Variants in GPR158 observed in about 807,000 individuals in gnomAD.
The protein encoded by GPR158 is metabotropic glycine receptor.
GPR158 carries 30 observed loss-of-function variants against 78.2 expected under a neutral mutation model. That is an observed-to-expected ratio of 0.38 (90% CI 0.29 to 0.52). The LOEUF (loss-of-function observed/expected upper bound fraction) is 0.52, where lower values mean the gene tolerates loss of function less well. Among genes scored for constraint, GPR158 ranks in the 20% least tolerant of loss-of-function variants. GPR158 has a pLI of 0.83. For synonymous variants in GPR158, 581 were observed against 591.1 expected (o/e 0.98, Z 0.25); for missense variants, 1,463 against 1,523.5 (o/e 0.96, Z 0.66).
chr10:25,238,811 G>A (rs1853565244), intron 2 of GPR158, among the ~76,000 whole-genome samples: 1 of 152,100 alleles, frequency 6.6e-6, no homozygotes, highest in South Asian at 2.1e-4. Flanking sequence ...TCACATTTAG[G>A]TTTCTTGTTC....
chr10:25,256,985 G>C (rs768789423), intron 2 of GPR158, among the ~76,000 whole-genome samples: 1 of 152,188 alleles, frequency 6.6e-6, no homozygotes, highest in Non-Finnish European at 1.5e-5. Flanking sequence ...CAGATTAGTG[G>C]ATAGATTTCT....
intron 2 of GPR158, among the ~76,000 whole-genome samples, chr10:25,253,885 TA>T (rs1853851784): frequency 6.6e-6 from 1 of 152,190 alleles, no homozygotes; most frequent in Non-Finnish European, 1.5e-5. Flanking sequence ...ATTTTGTAAT[TA>T]AAAAACTAAT....
At chr10:25,328,460 A>C (rs750536872) in intron 2 of GPR158, among the ~76,000 whole-genome samples, 22 of 152,096 alleles carry the variant, frequency 1.4e-4, no homozygotes, top group Non-Finnish European at 2.8e-4. Context: ...ATAAATATGT[A>C]CTCCATTATG....
intron 1 of GPR158, among the ~76,000 whole-genome samples, chr10:25,184,796 A>G (rs923519440): frequency 6.6e-6 from 1 of 152,278 alleles, no homozygotes; most frequent in African/African-American, 2.4e-5. Flanking sequence ...CAATGTAACC[A>G]GTTTAGACCG....
intron 5 of GPR158, among the ~76,000 whole-genome samples, chr10:25,478,581 A>G (rs187733880): frequency 2.1e-4 from 32 of 152,006 alleles, no homozygotes; most frequent in Non-Finnish European, 4.4e-4. Context: ...AGATTTTATA[A>G]AAGATACTAA....
At chr10:25,501,163 A>G (rs1476692811) in intron 5 of GPR158, among the ~76,000 whole-genome samples, 1 of 152,104 alleles carries the variant, frequency 6.6e-6, no homozygotes, top group Admixed American at 6.5e-5. Flanking sequence ...CAGAATAGAA[A>G]AAGTCAAAGG....
At chr10:25,292,498 A>C (rs1854453517) in intron 2 of GPR158, among the ~76,000 whole-genome samples, 1 of 149,288 alleles carries the variant, frequency 6.7e-6, no homozygotes, top group South Asian at 2.1e-4. Flanking sequence ...TATGCTGTTC[A>C]ATGCAACCTT....
chr10:25,510,678 TGTGTA>T (rs1189076338), intron 5 of GPR158, among the ~76,000 whole-genome samples: 1 of 152,168 alleles, frequency 6.6e-6, no homozygotes, highest in Non-Finnish European at 1.5e-5. Context: ...CTGTACCCAA[TGTGTA>T]GTCTTTTATC....
chr10:25,428,697 T>C (rs982467441), intron 4 of GPR158, among the ~76,000 whole-genome samples: 1 of 152,094 alleles, frequency 6.6e-6, no homozygotes. Context: ...AAGGAGAATG[T>C]ATCACTGCTT....
At chr10:25,492,834 A>T (rs1343210050) in intron 5 of GPR158, among the ~76,000 whole-genome samples, 1 of 149,824 alleles carries the variant, frequency 6.7e-6, no homozygotes, top group Non-Finnish European at 1.5e-5. Context: ...CTATTTTGAT[A>T]CTAATTATAT....
intron 2 of GPR158, among the ~76,000 whole-genome samples, chr10:25,354,669 A>G (rs954588220): frequency 1.3e-5 from 2 of 151,920 alleles, no homozygotes; most frequent in African/African-American, 2.4e-5. Flanking sequence ...TATACCTTCA[A>G]TTTTTTTCTT....
At chr10:25,374,899 T>C (rs1405082025) in intron 2 of GPR158, among the ~76,000 whole-genome samples, 1 of 151,722 alleles carries the variant, frequency 6.6e-6, no homozygotes, top group African/African-American at 2.4e-5. Context: ...TTTTTCTGGT[T>C]TAAATGCCTA....
At chr10:25,412,198 TTACC>T in intron 3 of GPR158, 48 bp from the exon 4 acceptor site, 1 of 1,228,790 alleles carries the variant, frequency 8.1e-7, no homozygotes, top group African/African-American at 1.5e-5. Flanking sequence ...ATACTCAATC[TTACC>T]TACCTAAGAG....
At chr10:25,371,691 A>G (rs928180414) in intron 2 of GPR158, among the ~76,000 whole-genome samples, 2 of 134,392 alleles carry the variant, frequency 1.5e-5, no homozygotes, top group East Asian at 2.0e-4. Flanking sequence ...CTTACACCTT[A>G]TACAAAAATC....
intron 4 of GPR158, among the ~76,000 whole-genome samples, chr10:25,455,094 T>A (rs1347331679): frequency 6.6e-6 from 1 of 152,228 alleles, no homozygotes; most frequent in Non-Finnish European, 1.5e-5. Context: ...TGGTAAATTA[T>A]TTATTATATT....
At chr10:25,388,043 T>G (rs758027965) in intron 2 of GPR158, among the ~76,000 whole-genome samples, 1 of 152,202 alleles carries the variant, frequency 6.6e-6, no homozygotes, top group East Asian at 1.9e-4. Flanking sequence ...CTCTAAACTC[T>G]TGACCACCAT....
intron 2 of GPR158, among the ~76,000 whole-genome samples, chr10:25,285,534 A>G (rs1235126663): frequency 2.6e-5 from 4 of 152,130 alleles, no homozygotes; most frequent in South Asian, 4.1e-4. Context: ...AGCCTGGGGA[A>G]CTTGGAGTTA....
At chr10:25,576,057 G>GT (rs11306607) in intron 7 of GPR158, among the ~76,000 whole-genome samples, 6,045 of 149,492 alleles carry the variant, frequency 0.04, 204 homozygotes, top group African/African-American at 0.093. Flanking sequence ...TTCTGTTGTT[G>GT]TTTTTTTTTT....
rs188799151 is a variant in GPR158, at chr10:25,596,264, G to T, written c.1999-379G>T. ...ATATTTTGGAGGGCAGGAACTCTAT[G>T]ATATTCACGATTTGTGGCCTTTAGT... On this transcript the variant is annotated intron_variant, in intron 9 of 10. Coordinates refer to ENST00000376351, the MANE Select transcript of GPR158 (RefSeq NM_020752.3). Among the ~76,000 whole-genome samples, 56 of 152,270 alleles carry T rather than the reference G, an allele frequency of 3.7e-4. 1 individual carries two copies. The East Asian group carries it at 7.9e-3, about 22-fold the overall frequency.
Sources: allele counts gnomAD v4.1 joint callset (sites outside exome capture counted in the v4.1 genomes callset), GRCh38; gene constraint gnomAD v4.1.1; transcripts MANE v1.5; gene names NCBI Gene and HGNC (gene_info 2026-07-23, HGNC 2026-07-21).